The following SGCD variants were observed in gnomAD, a reference collection of about 807,000 sequenced individuals.
SGCD encodes delta-sarcoglycan.
SGCD carries 18 observed loss-of-function variants against 36.6 expected under a neutral mutation model. The ratio of observed to expected loss-of-function variants is 0.49; its 90% CI spans 0.34 to 0.73. SGCD has a LOEUF of 0.73. Among genes scored for constraint, SGCD ranks in the 30% least tolerant of loss-of-function variants. SGCD has a pLI of 0.01. For missense variants in SGCD, 387 were observed against 346.7 expected, an observed-to-expected ratio of 1.12 and a Z score of -0.92; for synonymous variants, 133 against 130.6, an observed-to-expected ratio of 1.02 and a Z score of -0.12.
intron 2 of SGCD, among the ~76,000 whole-genome samples, chr5:156,121,851 G>A (rs894720839): frequency 6.6e-6 from 1 of 151,996 alleles, no homozygotes; most frequent in African/African-American, 2.4e-5. Flanking sequence ...TGGCATGGAA[G>A]CAAAGGCAGA....
chr5:156,058,906 A>G (rs1211930949), intron 1 of SGCD, among the ~76,000 whole-genome samples: 4 of 145,624 alleles, frequency 2.7e-5, no homozygotes, highest in African/African-American at 9.9e-5. Flanking sequence ...GGTGTATTGG[A>G]TCTTTCTGTA....
At chr5:156,280,770 A>G (rs1015428452) in intron 3 of SGCD, among the ~76,000 whole-genome samples, 1 of 152,232 alleles carries the variant, frequency 6.6e-6, no homozygotes, top group Admixed American at 6.5e-5. Flanking sequence ...TGTTGGGGAA[A>G]TAAGAATTAA....
At chr5:155,810,463 C>G in the SGCD span, among the ~76,000 whole-genome samples, 1 of 152,062 alleles carries the variant, frequency 6.6e-6, no homozygotes. Flanking sequence ...AAATTATTTT[C>G]TAGAGCATTT....
chr5:156,056,571 ATCTATGATT>A (rs1420328336), intron 1 of SGCD, among the ~76,000 whole-genome samples: 1 of 137,198 alleles, frequency 7.3e-6, no homozygotes, highest in Non-Finnish European at 1.6e-5. Context: ...ACACACTTTG[ATCTATGATT>A]TCATCTCCTA....
chr5:156,632,799 C>A (rs566935417), intron 6 of SGCD, among the ~76,000 whole-genome samples: 1 of 152,276 alleles, frequency 6.6e-6, no homozygotes, highest in South Asian at 2.1e-4. Flanking sequence ...TACTATGGCA[C>A]GTGTACCTTT....
intron 3 of SGCD, among the ~76,000 whole-genome samples, chr5:156,395,304 G>A (rs1580923931): frequency 1.3e-5 from 2 of 152,306 alleles, no homozygotes; most frequent in Middle Eastern, 6.8e-3. Context: ...TATGTGATTG[G>A]TTAGGATGTA....
At chr5:155,919,616 A>G (rs961577519) in intron 1 of SGCD, among the ~76,000 whole-genome samples, 14 of 152,322 alleles carry the variant, frequency 9.2e-5, no homozygotes, top group African/African-American at 3.4e-4. Flanking sequence ...GAACTTTGCC[A>G]ACATCCCTTT....
At position 156,286,913 on chromosome 5, in the gene SGCD, T is replaced by C. The variant is rs557944763; in HGVS notation, c.-43-42621T>C. On this transcript the variant is annotated intron_variant, in intron 3 of 9. Coordinates refer to the SGCD transcript ENST00000517913. ...TGGTAATAAGAAGGGAAATTTGGCATAGGATGATCTCTTTTTTATCCTCCA... is the reference window on the plus strand; with the variant it reads ...TGGTAATAAGAAGGGAAATTTGGCACAGGATGATCTCTTTTTTATCCTCCA... Among the ~76,000 whole-genome samples the C allele has an allele frequency of 5.9e-5, 9 of 152,218 alleles. No individual in the cohort carries two copies. The East Asian group carries it at 1.7e-3, about 29-fold the overall frequency.
intron 3 of SGCD, among the ~76,000 whole-genome samples, chr5:156,227,009 G>A (rs1231029365): frequency 6.6e-6 from 1 of 152,020 alleles, no homozygotes; most frequent in East Asian, 1.9e-4. Flanking sequence ...TCCTTTGTCA[G>A]ATGTGTAGAT....
chr5:155,908,175 A>G (rs972806163), intron 1 of SGCD, among the ~76,000 whole-genome samples: 2 of 152,172 alleles, frequency 1.3e-5, no homozygotes, highest in African/African-American at 4.8e-5. Context: ...TCCTTAGTAG[A>G]CAACAGACAA....
intron 2 of SGCD, among the ~76,000 whole-genome samples, chr5:156,122,826 G>A (rs541194038): frequency 5.9e-4 from 61 of 103,276 alleles, no homozygotes; most frequent in Middle Eastern, 8.9e-3. Flanking sequence ...GCACCAGCAT[G>A]GTAGTAAAAG....
At chr5:156,594,888 TCTC>T in intron 5 of SGCD, 41 bp from the exon 6 acceptor site, 1 of 1,287,570 alleles carries the variant, frequency 7.8e-7, no homozygotes, top group Non-Finnish European at 1.1e-6. Flanking sequence ...TCTCTCTCTC[TCTC>T]CTCTCTCCTC....
chr5:155,908,821 T>A (rs1338739818), intron 1 of SGCD, among the ~76,000 whole-genome samples: 2 of 152,148 alleles, frequency 1.3e-5, no homozygotes, highest in East Asian at 3.9e-4. Context: ...CTTGAGCATG[T>A]CTGTCTGTTT....
At chr5:156,048,514 T>G (rs1184969082) in intron 1 of SGCD, among the ~76,000 whole-genome samples, 1 of 152,210 alleles carries the variant, frequency 6.6e-6, no homozygotes, top group African/African-American at 2.4e-5. Context: ...TGATTGCCAT[T>G]CTAACTGGTG....
chr5:155,821,267 A>C, the SGCD span, among the ~76,000 whole-genome samples: 1 of 152,168 alleles, frequency 6.6e-6, no homozygotes, highest in Non-Finnish European at 1.5e-5. Flanking sequence ...GTAAATAGTC[A>C]GGGATTAAGG....
intron 3 of SGCD, among the ~76,000 whole-genome samples, chr5:156,245,679 G>A (rs899680012): frequency 6.6e-5 from 10 of 151,970 alleles, no homozygotes; most frequent in African/African-American, 1.9e-4. Context: ...AAATACAGGG[G>A]ATAAATGAGC....
chr5:156,241,875 G>A (rs1765314221), intron 3 of SGCD, among the ~76,000 whole-genome samples: 1 of 152,236 alleles, frequency 6.6e-6, no homozygotes, highest in Non-Finnish European at 1.5e-5. Flanking sequence ...TTAAAATCTA[G>A]TAGGTAGGAC....
At chr5:156,317,992 A>G (rs1767562961) in intron 3 of SGCD, among the ~76,000 whole-genome samples, 1 of 152,160 alleles carries the variant, frequency 6.6e-6, no homozygotes, top group Non-Finnish European at 1.5e-5. Context: ...AAGATATTAT[A>G]GTAGTTATTT....
At chr5:155,761,812 C>A in the SGCD span, among the ~76,000 whole-genome samples, 40 of 152,120 alleles carry the variant, frequency 2.6e-4, no homozygotes, top group African/African-American at 9.6e-4. Flanking sequence ...TCCTCACCAT[C>A]AACCTTTCCA....
Sources: allele counts gnomAD v4.1 joint callset (sites outside exome capture counted in the v4.1 genomes callset), GRCh38; gene constraint gnomAD v4.1.1; transcripts MANE v1.5; gene names NCBI Gene and HGNC (gene_info 2026-07-23, HGNC 2026-07-21).